NCOA1: variants seen among roughly 807,000 people sequenced by gnomAD.
NCOA1 encodes nuclear receptor coactivator 1.
NCOA1 carries 35 observed loss-of-function variants against 150.9 expected under a neutral mutation model. The observed-to-expected ratio is 0.23, with a 90% confidence interval of 0.18 to 0.31. The LOEUF is 0.31. Among genes scored for constraint, NCOA1 ranks in the 10% least tolerant of loss-of-function variants. The pLI, the probability that NCOA1 is intolerant of heterozygous loss-of-function variation, is 1.00. For missense variants in NCOA1, 1,491 were observed against 1,749.3 expected, an observed-to-expected ratio of 0.85 and a Z score of 2.63; for synonymous variants, 590 against 630.0, an observed-to-expected ratio of 0.94 and a Z score of 0.95.
intron 5 of NCOA1, among the ~76,000 whole-genome samples, chr2:24,664,358 C>G (rs1186040068): frequency 6.6e-6 from 1 of 152,092 alleles, no homozygotes; most frequent in African/African-American, 2.4e-5. Context: ...TTAGTTGATT[C>G]TTTTCAACTT....
At position 24,710,993 on chromosome 2, in the gene NCOA1, G is replaced by T; in HGVS notation, c.2481G>T (p.Leu827Phe). The change falls in exon 14 of 23, where the codon TTG becomes TTT. Residue 827 changes from leucine (L) to phenylalanine (F), a missense_variant. Around this residue, in one of 8 missense-constraint regions of NCOA1, gnomAD observed 703 missense variants for 717.7 expected, o/e 0.98. Transcript: ENST00000348332. ...CCACGCTGGAGAAGGCAGCACAGTT[G>T]CCAGGCTTATGTGAGACAGACAGGA... ...LLPTLEKAAQ[L>F]PGLCETDRMD... 2 of 1,614,150 alleles carry T rather than the reference G, an allele frequency of 1.2e-6. No homozygotes were observed. The highest frequency in any genetic ancestry group is 1.7e-6 in the Non-Finnish European group (2 of 1,180,016).
At chr2:24,643,224 G>A (rs1286596696) in intron 3 of NCOA1, among the ~76,000 whole-genome samples, 1 of 152,136 alleles carries the variant, frequency 6.6e-6, no homozygotes, top group African/African-American at 2.4e-5. Context: ...ATAAGACTGT[G>A]GTTTTCTCCT....
At chr2:24,744,712 T>C (rs985748560) in intron 19 of NCOA1, among the ~76,000 whole-genome samples, 5 of 152,236 alleles carry the variant, frequency 3.3e-5, no homozygotes, top group Non-Finnish European at 7.3e-5. Flanking sequence ...TTCCAACATG[T>C]TTCCAGGTTT....
At chr2:24,527,093 A>G (rs1470265946) in intron 1 of NCOA1, among the ~76,000 whole-genome samples, 1 of 152,190 alleles carries the variant, frequency 6.6e-6, no homozygotes, top group Non-Finnish European at 1.5e-5. Flanking sequence ...AGGAATGACT[A>G]TATAGTAAAA....
intron 1 of NCOA1, among the ~76,000 whole-genome samples, chr2:24,550,609 C>A (rs766019932): frequency 2.0e-5 from 3 of 152,160 alleles, no homozygotes; most frequent in Non-Finnish European, 2.9e-5. Context: ...CATGGGAATT[C>A]AAGATGAGAT....
At chr2:24,517,921 C>G (rs1664271324) in intron 1 of NCOA1, among the ~76,000 whole-genome samples, 1 of 152,158 alleles carries the variant, frequency 6.6e-6, no homozygotes, top group Admixed American at 6.5e-5. Context: ...CATGATTTCA[C>G]TATGCTCTTT....
intron 13 of NCOA1, among the ~76,000 whole-genome samples, chr2:24,710,544 G>A (rs1441426014): frequency 6.6e-6 from 1 of 152,116 alleles, no homozygotes; most frequent in East Asian, 1.9e-4. Flanking sequence ...TTTAAAGTAA[G>A]TCATTTTATG....
At chr2:24,615,764 G>A (rs577215195) in intron 3 of NCOA1, among the ~76,000 whole-genome samples, 10 of 152,242 alleles carry the variant, frequency 6.6e-5, no homozygotes, top group Admixed American at 3.9e-4. Flanking sequence ...AGGACACATA[G>A]GAGGGTTACT....
intron 17 of NCOA1, among the ~76,000 whole-genome samples, chr2:24,730,651 G>T (rs772038246): frequency 6.6e-6 from 1 of 152,154 alleles, no homozygotes; most frequent in Non-Finnish European, 1.5e-5. Context: ...ATGAGTAGGC[G>T]TAGTGGCATA....
intron 1 of NCOA1, among the ~76,000 whole-genome samples, chr2:24,500,969 A>G (rs1230374496): frequency 5.9e-5 from 9 of 152,180 alleles, no homozygotes; most frequent in Non-Finnish European, 1.2e-4. Flanking sequence ...CTTTTTTTAT[A>G]TGTATACTTG....
intron 1 of NCOA1, among the ~76,000 whole-genome samples, chr2:24,560,851 T>C (rs1463768682): frequency 6.6e-6 from 1 of 152,192 alleles, no homozygotes; most frequent in Non-Finnish European, 1.5e-5. Context: ...CTCATATTTA[T>C]TAATAGAATA....
chr2:24,695,572 AATAAGT>A (rs1355694095), intron 10 of NCOA1, among the ~76,000 whole-genome samples: 5 of 152,220 alleles, frequency 3.3e-5, no homozygotes, highest in Non-Finnish European at 7.3e-5. Context: ...AGCTAAAAAG[AATAAGT>A]ATAATAAATG....
At chr2:24,666,822 G>A (rs1292775773) in intron 6 of NCOA1, among the ~76,000 whole-genome samples, 4 of 151,988 alleles carry the variant, frequency 2.6e-5, no homozygotes, top group African/African-American at 4.8e-5. Flanking sequence ...TAGTAGAGAT[G>A]GGGTTGCACC....
intron 3 of NCOA1, among the ~76,000 whole-genome samples, chr2:24,638,444 G>T (rs916541791): frequency 1.3e-5 from 2 of 151,992 alleles, no homozygotes; most frequent in African/African-American, 4.8e-5. Flanking sequence ...AGTCAACATG[G>T]TAGTGCAGAC....
chr2:24,654,782 C>G (rs55768161), intron 4 of NCOA1, among the ~76,000 whole-genome samples: 6,890 of 151,874 alleles, frequency 0.045, 247 homozygotes, highest in East Asian at 0.19. Flanking sequence ...GCCATGCTCA[C>G]CTCTTTCATG....
At chr2:24,610,379 A>G (rs1007241584) in intron 3 of NCOA1, among the ~76,000 whole-genome samples, 7 of 151,720 alleles carry the variant, frequency 4.6e-5, no homozygotes, top group Admixed American at 3.3e-4. Flanking sequence ...CTGACCTCGT[A>G]ATCTGCCCAC....
chr2:24,612,031 G>A (rs1276060570), intron 3 of NCOA1, among the ~76,000 whole-genome samples: 1 of 152,106 alleles, frequency 6.6e-6, no homozygotes, highest in East Asian at 1.9e-4. Flanking sequence ...GCTTAATTGT[G>A]TTTTTGTGGT....
At chr2:24,627,739 A>G (rs1669497584) in intron 3 of NCOA1, among the ~76,000 whole-genome samples, 1 of 152,220 alleles carries the variant, frequency 6.6e-6, no homozygotes, top group Non-Finnish European at 1.5e-5. Flanking sequence ...TTTTTGATTA[A>G]GTAGAGTTGT....
At chr2:24,500,342 G>A (rs1002815432) in intron 1 of NCOA1, among the ~76,000 whole-genome samples, 6 of 151,996 alleles carry the variant, frequency 3.9e-5, no homozygotes, top group African/African-American at 1.2e-4. Flanking sequence ...TCCCAACCTC[G>A]GGTGATCCGC....
Sources: gnomAD v4.1 joint callset for allele counts (sites outside exome capture counted in the v4.1 genomes callset) on GRCh38, gnomAD v4.1.1 for gene constraint, gnomAD v4.1.1 regional missense constraint, MANE v1.5 for transcripts, NCBI Gene and HGNC (gene_info 2026-07-23, HGNC 2026-07-21) for gene names.